PTPRG: variants seen among roughly 807,000 people sequenced by gnomAD.
PTPRG encodes protein tyrosine phosphatase receptor type G, also known as receptor-type tyrosine-protein phosphatase gamma.
Under a neutral mutation model 165.3 loss-of-function variants are expected in PTPRG, and 102 were observed. The observed-to-expected ratio is 0.62, with a 90% CI of 0.53 to 0.73. PTPRG has a LOEUF of 0.73. Ranked by LOEUF, PTPRG falls within the 30% of genes least tolerant of loss-of-function variation. PTPRG has a pLI of 0.00. For missense variants in PTPRG, 1,866 were observed against 1,861.4 expected, an observed-to-expected ratio of 1.00 and a Z score of -0.05; for synonymous variants, 675 against 669.5, an observed-to-expected ratio of 1.01 and a Z score of -0.13.
chr3:61,738,334 ATATG>A (rs1370464633), intron 1 of PTPRG, among the ~76,000 whole-genome samples: 4 of 139,606 alleles, frequency 2.9e-5, no homozygotes, highest in African/African-American at 8.1e-5. Context: ...ATATATATAT[ATATG>A]TATATATATA....
At chr3:62,157,025 G>A in intron 6 of PTPRG, 42 bp from the exon 7 acceptor site, 1 of 1,534,804 alleles carries the variant, frequency 6.5e-7, no homozygotes, top group African/African-American at 1.4e-5. Flanking sequence ...GGAATGGCAT[G>A]ACTTACCATT....
At chr3:61,753,358 G>T (rs999179353) in intron 2 of PTPRG, among the ~76,000 whole-genome samples, 2 of 152,090 alleles carry the variant, frequency 1.3e-5, no homozygotes, top group African/African-American at 4.8e-5. Context: ...TAGTTTAATA[G>T]TATCTCATTG....
intron 4 of PTPRG, among the ~76,000 whole-genome samples, chr3:62,055,240 C>T (rs1419069028): frequency 6.6e-6 from 1 of 152,140 alleles, no homozygotes; most frequent in Non-Finnish European, 1.5e-5. Flanking sequence ...TACCATTATA[C>T]TCATTTTAAA....
At chr3:62,142,952 A>G (rs78485402) in intron 6 of PTPRG, among the ~76,000 whole-genome samples, 14,861 of 152,198 alleles carry the variant, frequency 0.098, 1,008 homozygotes, top group East Asian at 0.36. Flanking sequence ...AAGGCAAGCA[A>G]AGCAGTCAGA....
intron 12 of PTPRG, among the ~76,000 whole-genome samples, chr3:62,206,993 C>G (rs1700248778): frequency 6.6e-6 from 1 of 151,156 alleles, no homozygotes; most frequent in South Asian, 2.1e-4. Flanking sequence ...TCCCTTATCA[C>G]CTTCAGCAAA....
intron 14 of PTPRG, among the ~76,000 whole-genome samples, chr3:62,239,663 G>A (rs942535435): frequency 3.9e-5 from 6 of 151,956 alleles, no homozygotes; most frequent in African/African-American, 7.3e-5. Flanking sequence ...TCTGGGCAGC[G>A]CTTTGAGAAA....
intron 2 of PTPRG, among the ~76,000 whole-genome samples, chr3:61,894,751 T>A (rs2038306320): frequency 6.6e-6 from 1 of 152,176 alleles, no homozygotes. Flanking sequence ...TTGGGATGAA[T>A]CAGATTTGAG....
intron 5 of PTPRG, among the ~76,000 whole-genome samples, chr3:62,122,800 C>T (rs556483404): frequency 6.6e-6 from 1 of 152,244 alleles, no homozygotes; most frequent in South Asian, 2.1e-4. Context: ...GACATAGCAG[C>T]TGAGGTCCAT....
rs147151274 is a variant in PTPRG, at chr3:62,156,270, G to A, written c.683-797G>A. 4.3e-3 allele frequency among the ~76,000 whole-genome samples: 654 copies of A among 152,158 alleles called. 2 individuals carry two copies. The highest frequency in any genetic ancestry group is 7.0e-3 in the Non-Finnish European group (477 of 68,006). ...TGAGTCAGAGCTGTGTGGAGTCTTC[G>A]GTGTCAAGACACCTGGATTCACATC... On this transcript the variant is annotated intron_variant, in intron 6 of 29. Transcript: ENST00000474889.
intron 1 of PTPRG, among the ~76,000 whole-genome samples, chr3:61,602,230 G>A (rs145696480): frequency 9.9e-4 from 151 of 152,048 alleles, no homozygotes; most frequent in Non-Finnish European, 1.8e-3. Flanking sequence ...GGTTGAGACT[G>A]TACCTGTCTT....
At chr3:61,780,835 A>T (rs1655335138) in intron 2 of PTPRG, among the ~76,000 whole-genome samples, 2 of 152,236 alleles carry the variant, frequency 1.3e-5, no homozygotes, top group Non-Finnish European at 2.9e-5. Flanking sequence ...AATGTCCATG[A>T]AATTAAAATG....
In PTPRG at chr3:62,287,515, A is replaced by AAACTT. The variant is rs1460897657; in HGVS notation, c.4055+4649_4055+4653dup. ...AAAATACATTAATTCATGAAACTAAAAACTTAAAAGATAGGATACTAGTGG... is the reference window on the plus strand; with the variant it reads ...AAAATACATTAATTCATGAAACTAAAAACTTAACTTAAAAGATAGGATACTAGTGG... On this transcript the variant is annotated intron_variant, in intron 28 of 29. Transcript: ENST00000474889. Among the ~76,000 whole-genome samples the AAACTT allele has an allele frequency of 1.5e-4, 23 of 151,772 alleles. 1 individual carries two copies. The highest frequency in any genetic ancestry group is 3.1e-4 in the Non-Finnish European group (21 of 68,020).
At chr3:61,964,957 C>G (rs1035056073) in intron 2 of PTPRG, among the ~76,000 whole-genome samples, 1 of 152,064 alleles carries the variant, frequency 6.6e-6, no homozygotes, top group Admixed American at 6.6e-5. Context: ...AGTAAAGAAT[C>G]CGGGGCCGGG....
intron 1 of PTPRG, among the ~76,000 whole-genome samples, chr3:61,707,799 T>C (rs2031338339): frequency 6.6e-6 from 1 of 152,184 alleles, no homozygotes; most frequent in South Asian, 2.1e-4. Context: ...TATTTTATTA[T>C]TATTTTTGAG....
At chr3:61,995,282 T>C (rs1324653223) in intron 3 of PTPRG, among the ~76,000 whole-genome samples, 3 of 151,754 alleles carry the variant, frequency 2.0e-5, no homozygotes, top group Non-Finnish European at 4.4e-5. Flanking sequence ...AGAAACAGGG[T>C]TTCTCCATGT....
chr3:62,192,474 T>C (rs1224181318), intron 9 of PTPRG, among the ~76,000 whole-genome samples: 2 of 132,602 alleles, frequency 1.5e-5, no homozygotes, highest in Non-Finnish European at 3.1e-5. Context: ...AGTGGCGCAA[T>C]CTCGGCTCAC....
chr3:62,221,955 C>T (rs1447245081), intron 13 of PTPRG, among the ~76,000 whole-genome samples: 2 of 152,242 alleles, frequency 1.3e-5, no homozygotes, highest in Non-Finnish European at 2.9e-5. Flanking sequence ...GTGCCAGGCA[C>T]TGTGCCAAGC....
At position 61,658,927 on chromosome 3, in the gene PTPRG, T is replaced by C. The variant is rs371650431; in HGVS notation, c.86-89951T>C. The stretch of plus-strand genomic sequence containing the variant: ...GCCCTTGGAACTTCACTTCTGAATC[T>C]GTGTTCAGACCAGGAATGTAGCACT... On this transcript the variant is annotated intron_variant, in intron 1 of 29. Coordinates refer to ENST00000474889, the MANE Select transcript of PTPRG (RefSeq NM_002841.4). 5.6e-3 allele frequency among the ~76,000 whole-genome samples: 854 copies of C among 152,352 alleles called. 9 individuals are homozygous for C. The highest frequency in any genetic ancestry group is 0.019 in the African/African-American group (785 of 41,572).
chr3:61,698,000 A>T (rs2030709973), intron 1 of PTPRG, among the ~76,000 whole-genome samples: 1 of 152,152 alleles, frequency 6.6e-6, no homozygotes, highest in African/African-American at 2.4e-5. Context: ...ATATTCTTTT[A>T]TCCTGTAATT....
Sources: allele counts gnomAD v4.1 joint callset (sites outside exome capture counted in the v4.1 genomes callset), GRCh38; gene constraint gnomAD v4.1.1; transcripts MANE v1.5; gene names NCBI Gene and HGNC (gene_info 2026-07-23, HGNC 2026-07-21).